TMEM182: variants seen among roughly 807,000 people sequenced by gnomAD.
TMEM182 encodes transmembrane protein 182.
Under a neutral mutation model 26.8 loss-of-function variants are expected in TMEM182, and 20 were observed. The ratio of observed to expected loss-of-function variants is 0.75; its 90% CI spans 0.53 to 1.09. The LOEUF (loss-of-function observed/expected upper bound fraction) is 1.09. Ranked by LOEUF, TMEM182 falls within the 50% of genes least tolerant of loss-of-function variation. TMEM182 has a pLI of 0.00. For missense variants in TMEM182, 277 were observed against 275.5 expected (o/e 1.01, Z -0.04); for synonymous variants, 109 against 102.2 (o/e 1.07, Z -0.40).
intron 4 of TMEM182, among the ~76,000 whole-genome samples, chr2:102,801,190 A>G (rs1682114301): frequency 6.6e-6 from 1 of 152,116 alleles, no homozygotes; most frequent in Non-Finnish European, 1.5e-5. Flanking sequence ...GGTGATTCAG[A>G]GGACACTTAC....
chr2:102,772,000 T>C, intron 3 of TMEM182, among the ~76,000 whole-genome samples: 1 of 152,238 alleles, frequency 6.6e-6, no homozygotes, highest in Non-Finnish European at 1.5e-5. Flanking sequence ...CCAAAACTTC[T>C]AACCCAGGCC....
intron 1 of TMEM182, among the ~76,000 whole-genome samples, chr2:102,754,286 C>T (rs1351692391): frequency 6.6e-6 from 1 of 152,120 alleles, no homozygotes; most frequent in African/African-American, 2.4e-5. Flanking sequence ...ACCTAACACC[C>T]ACTCGTGGAA....
intron 1 of TMEM182, among the ~76,000 whole-genome samples, chr2:102,746,346 G>T (rs1679695939): frequency 6.6e-6 from 1 of 152,026 alleles, no homozygotes; most frequent in Non-Finnish European, 1.5e-5. Flanking sequence ...TCCCTTATCA[G>T]ATATGTAATT....
chr2:102,834,497 C>T (rs1205208706), intron 3 of TMEM182: 10 of 917,564 alleles, frequency 1.1e-5, no homozygotes, highest in South Asian at 1.0e-4. Flanking sequence ...TCAGATGCAC[C>T]GTCTCATTTC....
At position 102,776,737 on chromosome 2, in the gene TMEM182, C is replaced by T. The variant is rs575814603; in HGVS notation, c.331+12310C>T. Among the ~76,000 whole-genome samples, 4 of 152,236 alleles carry T rather than the reference C, an allele frequency of 2.6e-5. No individual in the cohort carries two copies. The East Asian group carries it at 5.8e-4, about 22-fold the overall frequency. ...CTTAAAGAAGCTGCGAAGCGGTCTT[C>T]CAAAGAGACCATACCATTTTACATT... On this transcript the variant is annotated intron_variant, in intron 3 of 4. Transcript: ENST00000412401.
At chr2:102,820,140 A>C (rs1028502913), downstream of TMEM182, among the ~76,000 whole-genome samples, 1 of 152,088 alleles carries the variant, frequency 6.6e-6, no homozygotes, top group Non-Finnish European at 1.5e-5. Context: ...TCAGCTCCTT[A>C]TTTGGGTCCC....
At chr2:102,787,298 A>G (rs1681435907) in intron 3 of TMEM182, among the ~76,000 whole-genome samples, 3 of 152,216 alleles carry the variant, frequency 2.0e-5, no homozygotes, top group Admixed American at 1.3e-4. Flanking sequence ...TCAGGGTGCC[A>G]GCATGGCTGG....
Position 102,815,111 on chromosome 2 carries a change from T to C in TMEM182, c.*143T>C. 6.9e-7 allele frequency: 1 copy of C among 1,443,608 alleles called. No homozygotes were observed. The highest frequency in any genetic ancestry group is 1.5e-5 in the South Asian group (1 of 65,736). 89.4% of individuals were successfully genotyped at this position (1,443,608 alleles called of 1,614,324 possible). Reference sequence around the variant, plus strand: ...CAAATTAATCATTTTACTAAAATTTTCTTCAGTAAGAAGGTCCTAGAATCT... The same window carrying C: ...CAAATTAATCATTTTACTAAAATTTCCTTCAGTAAGAAGGTCCTAGAATCT... On this transcript the variant is annotated 3_prime_UTR_variant, in exon 5 of 5. Transcript: ENST00000412401.
At chr2:102,766,839 G>A (rs900740800) in intron 3 of TMEM182, among the ~76,000 whole-genome samples, 1 of 152,196 alleles carries the variant, frequency 6.6e-6, no homozygotes, top group Non-Finnish European at 1.5e-5. Context: ...ATAGTGTCCT[G>A]AGTTTTTACA....
chr2:102,801,065 A>G (rs1682107954), intron 4 of TMEM182, among the ~76,000 whole-genome samples: 1 of 152,020 alleles, frequency 6.6e-6, no homozygotes, highest in African/African-American at 2.4e-5. Flanking sequence ...TTTTAAATGA[A>G]CCTTGTGTTG....
At chr2:102,785,388 T>C (rs1681346440) in intron 3 of TMEM182, among the ~76,000 whole-genome samples, 1 of 152,242 alleles carries the variant, frequency 6.6e-6, no homozygotes, top group South Asian at 2.1e-4. Context: ...AAACCATCCA[T>C]AGTCTTTCCT....
intron 3 of TMEM182, among the ~76,000 whole-genome samples, chr2:102,782,550 A>C (rs1160418138): frequency 6.6e-6 from 1 of 152,158 alleles, no homozygotes; most frequent in East Asian, 1.9e-4. Context: ...ATCTTAATAC[A>C]CTACCTCATA....
chr2:102,800,006 C>T (rs943641404), intron 4 of TMEM182, among the ~76,000 whole-genome samples: 1 of 151,578 alleles, frequency 6.6e-6, no homozygotes, highest in Non-Finnish European at 1.5e-5. Context: ...TGAGCCCCAA[C>T]AGTTTAAAGA....
chr2:102,829,520 G>A (rs1683111413), intron 3 of TMEM182, among the ~76,000 whole-genome samples: 1 of 152,306 alleles, frequency 6.6e-6, no homozygotes, highest in South Asian at 2.1e-4. Context: ...GAAGGTGTTA[G>A]AAGACAGAAC....
chr2:102,822,155 T>G (rs998882779), downstream of TMEM182, among the ~76,000 whole-genome samples: 60 of 152,222 alleles, frequency 3.9e-4, 1 homozygote, highest in African/African-American at 1.3e-3. Context: ...ACAGTTAGAT[T>G]AGGCAGTTAG....
chr2:102,755,991 C>A (rs1039001147), intron 1 of TMEM182, among the ~76,000 whole-genome samples: 7 of 152,242 alleles, frequency 4.6e-5, no homozygotes, highest in South Asian at 4.1e-4. Context: ...TCATAGTAGG[C>A]ACTTGGTAAA....
rs535130512 is a variant in TMEM182 at position 102,751,906 on chromosome 2, G to A, written c.-82-6483G>A. 1.4e-4 allele frequency among the ~76,000 whole-genome samples: 22 copies of A among 152,216 alleles called. No homozygotes were observed. The East Asian group carries it at 4.3e-3, about 30-fold the overall frequency. ...TGGTCTTGAACTCCTGGCCTCAGGA[G>A]ATCCTCGTACCCTGGCTTCCCAAAG... On this transcript the variant is annotated intron_variant, in intron 1 of 5. Transcript: ENST00000409173.
At chr2:102,798,328 G>C (rs1467288281) in intron 4 of TMEM182, among the ~76,000 whole-genome samples, 1 of 152,084 alleles carries the variant, frequency 6.6e-6, no homozygotes, top group Non-Finnish European at 1.5e-5. Context: ...CTCACTCCAA[G>C]GTGTGTAAGA....
At chr2:102,839,447 C>CTA (rs10691405) in intron 3 of TMEM182, among the ~76,000 whole-genome samples, 70,001 of 134,214 alleles carry the variant, frequency 0.52, 18,956 homozygotes, top group Non-Finnish European at 0.61. Context: ...TGATGTTTTG[C>CTA]TATATATATA....
Sources: gnomAD v4.1 joint callset for allele counts (sites outside exome capture counted in the v4.1 genomes callset) on GRCh38, gnomAD v4.1.1 for gene constraint, MANE v1.5 for transcripts, NCBI Gene and HGNC (gene_info 2026-07-23, HGNC 2026-07-21) for gene names.